The following THOC5 variants were observed in gnomAD, a reference collection of about 807,000 sequenced individuals.
THOC5 encodes the protein Fms-interacting protein.
In THOC5, 43 loss-of-function variants were observed where a neutral mutation model predicts 92.9. The observed-to-expected ratio is 0.46, with a 90% CI of 0.36 to 0.60. The LOEUF (loss-of-function observed/expected upper bound fraction) is 0.60, where lower values mean the gene tolerates loss of function less well. Ranked by LOEUF, THOC5 falls within the 20% of genes least tolerant of loss-of-function variation. The probability of loss-of-function intolerance (pLI) is 0.00; values close to 1 mark genes in which losing one functional copy is unlikely to be tolerated. For synonymous variants in THOC5, 296 were observed against 320.1 expected, an observed-to-expected ratio of 0.92 and a Z score of 0.80; for missense variants, 659 against 849.4, an observed-to-expected ratio of 0.78 and a Z score of 2.79.
At chr22:29,525,683 ATGTGCCAGGACTTC>A (rs902301102) in intron 12 of THOC5, among the ~76,000 whole-genome samples, 141 bp downstream of exon 12, 23 of 152,302 alleles carry the variant, frequency 1.5e-4, no homozygotes, top group Non-Finnish European at 3.1e-4. Flanking sequence ...AATACCAGCG[ATGTGCCAGGACTTC>A]TGGTCCATCT....
In THOC5 at chr22:29,543,422, CTACTACCTCGTG is replaced by C; in HGVS notation, c.349_354+6del. On this transcript the variant is annotated splice_donor_variant and splice_donor_5th_base_variant and coding_sequence_variant and intron_variant, in exon 4 of 20. Transcript: ENST00000490103. LOFTEE classifies it high-confidence loss of function. ...GGAAGGTTAAAATTAAACCTTTTAA[CTACTACCTCGTG>C]GGTCTGATCTCTTCCTTTCTTCAAC... is the stretch of plus-strand genomic sequence containing the variant. 1 of 1,416,272 alleles carries C rather than the reference CTACTACCTCGTG, an allele frequency of 7.1e-7. No homozygotes were observed. The highest frequency in any genetic ancestry group is 1.1e-5 in the South Asian group (1 of 87,842). The allele number at this position is 1,416,272 out of a possible 1,614,324, so 87.7% of individuals were successfully genotyped here. A position where few individuals can be genotyped will look rare whatever the true frequency, so the allele number is the denominator to read the frequency against.
intron 19 of THOC5, among the ~76,000 whole-genome samples, chr22:29,509,405 G>C (rs2063182259): frequency 6.6e-6 from 1 of 152,192 alleles, no homozygotes; most frequent in Non-Finnish European, 1.5e-5. Context: ...GGGCAGGTGA[G>C]AAGAGCAGAG....
intron 12 of THOC5, among the ~76,000 whole-genome samples, chr22:29,524,220 C>T (rs1222883494): frequency 6.6e-6 from 1 of 152,196 alleles, no homozygotes; most frequent in African/African-American, 2.4e-5. Flanking sequence ...CCACTCTCTA[C>T]CTGTGACCTT....
chr22:29,533,181 C>T (rs1268487741), intron 7 of THOC5, among the ~76,000 whole-genome samples: 2 of 152,192 alleles, frequency 1.3e-5, no homozygotes, highest in Non-Finnish European at 2.9e-5. Context: ...TGAAAACAGA[C>T]AACCTGATTC....
In THOC5 at chr22:29,506,458, A is replaced by G. The variant is rs2063142533; in HGVS notation, c.*1999T>C. ...GAGGCCGAGGTGGGAGGATCATTTG[A>G]GCCCAGGAGTTTGAGACCAGCCTGG... On this transcript the variant is annotated 3_prime_UTR_variant, in exon 20 of 20. Transcript: ENST00000490103. 6.6e-6 allele frequency: 1 copy of G among 152,160 alleles called. No homozygotes were observed. Among genetic ancestry groups the G allele is most frequent in the East Asian group, 1.9e-4 (1 of 5,190 alleles). The allele number at this position is 152,160 out of a possible 1,614,324, so 9.4% of individuals were successfully genotyped here. A position where few individuals can be genotyped will look rare whatever the true frequency, so the allele number is the denominator to read the frequency against.
At chr22:29,545,815 G>A (rs1445111557) in intron 2 of THOC5, among the ~76,000 whole-genome samples, 1 of 152,196 alleles carries the variant, frequency 6.6e-6, no homozygotes, top group Non-Finnish European at 1.5e-5. Context: ...CATGGTGCAA[G>A]CCGTTCGTGG....
At chr22:29,518,882 G>C (rs181808270) in intron 15 of THOC5, 124 bp downstream of exon 15, 3 of 740,150 alleles carry the variant, frequency 4.1e-6, no homozygotes, top group Admixed American at 4.7e-5. Flanking sequence ...TGCCCACTCC[G>C]TAAAGCCAGG....
Position 29,507,422 on chromosome 22 carries a change from C to A in THOC5, c.*1035G>T, listed in dbSNP as rs537289599. On this transcript the variant is annotated 3_prime_UTR_variant, in exon 20 of 20. Transcript: ENST00000490103. ...TCTCGCCCAAGCCGGAGCGCAGGAG[C>A]GTGATCTTGGCTTACTGCAACCTCT... 3 of 152,208 alleles carry A rather than the reference C, an allele frequency of 2.0e-5. No homozygotes were observed. Among genetic ancestry groups the A allele is most frequent in the Non-Finnish European group, 2.9e-5 (2 of 68,044 alleles). The allele number at this position is 152,208 out of a possible 1,614,324, so 9.4% of individuals were successfully genotyped here.
chr22:29,519,148 G>T (rs376461191), intron 14 of THOC5, 28 bp from the exon 15 acceptor site: 11 of 1,502,748 alleles, frequency 7.3e-6, no homozygotes, highest in Non-Finnish European at 1.0e-5. Context: ...ACACATACAC[G>T]TGTGCTCCCC....
chr22:29,550,155 C>A (rs569642365), intron 1 of THOC5, among the ~76,000 whole-genome samples: 1 of 152,102 alleles, frequency 6.6e-6, no homozygotes, highest in Non-Finnish European at 1.5e-5. Flanking sequence ...GGTATGTTCT[C>A]ATTTGCTCCT....
chr22:29,543,605 T>G, intron 3 of THOC5, 63 bp from the exon 4 acceptor site: 1 of 1,309,952 alleles, frequency 7.6e-7, no homozygotes, highest in South Asian at 1.2e-5. Flanking sequence ...CCTTCAGTCC[T>G]TCACCACTGA....
chr22:29,518,960 GTGT>G, intron 15 of THOC5, 43 bp downstream of exon 15: 1 of 1,191,278 alleles, frequency 8.4e-7, no homozygotes. Flanking sequence ...TGTTGTCCGT[GTGT>G]TGTCTGAGTG....
rs560603728 is a variant in THOC5, at chr22:29,506,755, A to T, written c.*1702T>A. On this transcript the variant is annotated 3_prime_UTR_variant, in exon 20 of 20. Transcript: ENST00000490103. ...TGTATGTGATTGATTCTCCAACACC[A>T]CTCTCGCCATCTCCATGAAATCCTG... The T allele has an allele frequency of 6.6e-6, 1 of 151,938 alleles. No individual in the cohort carries two copies. Among genetic ancestry groups the T allele is most frequent in the South Asian group, 2.1e-4 (1 of 4,818 alleles). The allele number at this position is 151,938 out of a possible 1,614,324, so 9.4% of individuals were successfully genotyped here. A position where few individuals can be genotyped will look rare whatever the true frequency, so the allele number is the denominator to read the frequency against.
At chr22:29,517,542 C>T (rs1427689007) in intron 15 of THOC5, among the ~76,000 whole-genome samples, 176 bp from the exon 16 acceptor site, 1 of 152,200 alleles carries the variant, frequency 6.6e-6, no homozygotes, top group African/African-American at 2.4e-5. Flanking sequence ...GCATGTCAAC[C>T]TGACCTTCAC....
chr22:29,544,417 T>C (rs2063969757), intron 3 of THOC5, 43 bp downstream of exon 3: 1 of 1,599,104 alleles, frequency 6.3e-7, no homozygotes, highest in Non-Finnish European at 8.5e-7. Flanking sequence ...GCCTCATCTA[T>C]GTAAACCCAC....
At position 29,543,549 on chromosome 22, in the gene THOC5, G is replaced by A. The variant is rs747678405; in HGVS notation, c.241-7C>T. On this transcript the variant is annotated splice_region_variant and splice_polypyrimidine_tract_variant and intron_variant, in intron 3 of 19. Transcript: ENST00000490103. ...GTTCTTCTATTTCTATTGCCTGTGG[G>A]CAAAGAAAACAGTAAAGCCCACTGA... 3.1e-6 allele frequency: 5 copies of A among 1,607,762 alleles called. No homozygotes were observed. In the South Asian group the frequency reaches 5.5e-5, roughly 18 times the overall value.
intron 1 of THOC5, among the ~76,000 whole-genome samples, chr22:29,552,432 CT>C (rs2064177720): frequency 6.6e-6 from 1 of 151,640 alleles, no homozygotes; most frequent in South Asian, 2.1e-4. Context: ...CTCTGCCCGG[CT>C]GCGACCCCGT....
chr22:29,542,530 G>A (rs780669130), intron 5 of THOC5, among the ~76,000 whole-genome samples: 3 of 152,188 alleles, frequency 2.0e-5, no homozygotes, highest in Non-Finnish European at 4.4e-5. Context: ...TTGGGAGGCC[G>A]AGGCGGGAGG....
intron 12 of THOC5, among the ~76,000 whole-genome samples, chr22:29,521,481 G>C (rs1327980168): frequency 6.6e-6 from 1 of 152,088 alleles, no homozygotes; most frequent in East Asian, 1.9e-4. Flanking sequence ...CCTCAGGGGA[G>C]CAAAGTCCCA....
Sources: gnomAD v4.1 joint callset for allele counts (sites outside exome capture counted in the v4.1 genomes callset) on GRCh38, gnomAD v4.1.1 for gene constraint, MANE v1.5 for transcripts, NCBI Gene and HGNC (gene_info 2026-07-23, HGNC 2026-07-21) for gene names.